NOS1AP: variants seen among roughly 807,000 people sequenced by gnomAD.
The protein encoded by NOS1AP is nitric oxide synthase 1 adaptor protein, also known as carboxyl-terminal PDZ ligand of neuronal nitric oxide synthase protein.
A neutral mutation model predicts 56.2 loss-of-function variants in NOS1AP; 21 were observed. That is an observed-to-expected ratio of 0.37 (90% CI 0.26 to 0.54). The LOEUF (loss-of-function observed/expected upper bound fraction) is 0.54, where lower values mean the gene tolerates loss of function less well. Among genes scored for constraint, NOS1AP ranks in the 20% least tolerant of loss-of-function variants. NOS1AP has a pLI of 0.84. For synonymous variants in NOS1AP, 270 were observed against 274.6 expected, an observed-to-expected ratio of 0.98 and a Z score of 0.17; for missense variants, 522 against 657.8, an observed-to-expected ratio of 0.79 and a Z score of 2.26.
intron 2 of NOS1AP, among the ~76,000 whole-genome samples, chr1:162,200,818 T>G (rs1450192368): frequency 6.6e-6 from 1 of 152,212 alleles, no homozygotes; most frequent in African/African-American, 2.4e-5. Flanking sequence ...TTAACAGAGA[T>G]GAGGTATCTA....
intron 2 of NOS1AP, among the ~76,000 whole-genome samples, chr1:162,209,426 G>A (rs1376231169): frequency 6.6e-6 from 1 of 152,164 alleles, no homozygotes; most frequent in Non-Finnish European, 1.5e-5. Flanking sequence ...ATTAGGAGAA[G>A]TGGTATTTTA....
intron 2 of NOS1AP, among the ~76,000 whole-genome samples, chr1:162,246,419 G>C (rs139807405): frequency 1.3e-5 from 2 of 152,298 alleles, no homozygotes; most frequent in Non-Finnish European, 2.9e-5. Context: ...AGTGAGGTAG[G>C]AGTTGGTCAG....
intron 2 of NOS1AP, among the ~76,000 whole-genome samples, chr1:162,234,866 G>A (rs76224842): frequency 6.6e-6 from 1 of 152,126 alleles, no homozygotes; most frequent in African/African-American, 2.4e-5. Flanking sequence ...ACATAGAAGA[G>A]GCTGTTGCTT....
chr1:162,176,871 G>A (rs1157215969), intron 2 of NOS1AP, among the ~76,000 whole-genome samples: 1 of 152,126 alleles, frequency 6.6e-6, no homozygotes, highest in Non-Finnish European at 1.5e-5. Context: ...CCTATTCAAG[G>A]ACATCTTATT....
chr1:162,138,778 C>A (rs1649108534), intron 1 of NOS1AP, among the ~76,000 whole-genome samples: 1 of 152,186 alleles, frequency 6.6e-6, no homozygotes, highest in African/African-American at 2.4e-5. Context: ...CCTGTGGCAC[C>A]CCTAGTGTGC....
intron 1 of NOS1AP, among the ~76,000 whole-genome samples, chr1:162,072,111 T>TAGAA (rs1558086528): frequency 1.3e-5 from 2 of 150,762 alleles, no homozygotes; most frequent in East Asian, 1.9e-4. Flanking sequence ...GATAGATAGA[T>TAGAA]AGAAAGTGTA....
intron 1 of NOS1AP, among the ~76,000 whole-genome samples, chr1:162,111,855 G>C (rs1647723453): frequency 6.6e-6 from 1 of 152,254 alleles, no homozygotes; most frequent in South Asian, 2.1e-4. Context: ...AGTGTTGGAA[G>C]AAGAGTTGGA....
intron 1 of NOS1AP, among the ~76,000 whole-genome samples, chr1:162,078,223 T>C (rs1691812550): frequency 6.6e-6 from 1 of 152,190 alleles, no homozygotes; most frequent in Non-Finnish European, 1.5e-5. Context: ...CACATCTTTA[T>C]GCGCAGCTTC....
chr1:162,075,911 CA>C lies in NOS1AP; in HGVS notation c.105+5632del, dbSNP rs1289231070. ...ACCTGGTATCTTGGGATTTGATGGA[CA>C]AATCTATTTCCACGTTAGCTGTACA... On this transcript the variant is annotated intron_variant, in intron 1 of 9. Transcript: ENST00000361897. Among the ~76,000 whole-genome samples the C allele has an allele frequency of 2.6e-5, 4 of 152,270 alleles. No individual in the cohort carries two copies. In the East Asian group the frequency reaches 7.7e-4, roughly 29 times the overall value.
At chr1:162,241,049 G>T (rs899923413) in intron 2 of NOS1AP, among the ~76,000 whole-genome samples, 2 of 152,202 alleles carry the variant, frequency 1.3e-5, no homozygotes, top group Non-Finnish European at 2.9e-5. Context: ...CTGGCTAGAG[G>T]CAGGGGAGCC....
intron 5 of NOS1AP, among the ~76,000 whole-genome samples, chr1:162,336,267 A>G (rs1453608897): frequency 6.6e-6 from 1 of 152,126 alleles, no homozygotes. Context: ...TCTTCATTTT[A>G]TAGGTGGGAA....
intron 8 of NOS1AP, chr1:162,363,878 G>T: frequency 1.0e-6 from 1 of 985,402 alleles, no homozygotes; most frequent in Non-Finnish European, 1.2e-6. Context: ...CTTTATGGAG[G>T]ACAGATTTAG....
chr1:162,263,972 G>A (rs955542581), intron 2 of NOS1AP, among the ~76,000 whole-genome samples: 1 of 152,146 alleles, frequency 6.6e-6, no homozygotes, highest in African/African-American at 2.4e-5. Flanking sequence ...TTCTAAACTA[G>A]GTCTTGAATC....
intron 6 of NOS1AP, among the ~76,000 whole-genome samples, chr1:162,350,478 C>T (rs1657456212): frequency 6.6e-6 from 1 of 152,224 alleles, no homozygotes; most frequent in African/African-American, 2.4e-5. Context: ...GCCACTGCCC[C>T]TGTGGCACTT....
chr1:162,264,324 C>T (rs1294053272), intron 2 of NOS1AP, among the ~76,000 whole-genome samples: 1 of 152,072 alleles, frequency 6.6e-6, no homozygotes, highest in Non-Finnish European at 1.5e-5. Flanking sequence ...TTTGTAGCCT[C>T]TGTAATCCCT....
intron 1 of NOS1AP, among the ~76,000 whole-genome samples, chr1:162,116,051 T>C (rs1282394472): frequency 6.6e-6 from 1 of 152,220 alleles, no homozygotes; most frequent in Non-Finnish European, 1.5e-5. Flanking sequence ...ATATTCAAGC[T>C]AGCATTGCTG....
chr1:162,257,766 C>T (rs1654081200), intron 2 of NOS1AP, among the ~76,000 whole-genome samples: 1 of 152,094 alleles, frequency 6.6e-6, no homozygotes, highest in Non-Finnish European at 1.5e-5. Context: ...CCATTGGCTA[C>T]ATGTGTAGTA....
chr1:162,334,037 T>G (rs1324830672), intron 5 of NOS1AP, among the ~76,000 whole-genome samples: 1 of 152,226 alleles, frequency 6.6e-6, no homozygotes. Context: ...TAAGCCTGGC[T>G]TTCTACAAGA....
At chr1:162,116,383 C>A (rs908737518) in intron 1 of NOS1AP, among the ~76,000 whole-genome samples, 1 of 152,198 alleles carries the variant, frequency 6.6e-6, no homozygotes, top group Non-Finnish European at 1.5e-5. Flanking sequence ...TAGAGTCTTG[C>A]ATGCTCCATC....
Sources: allele counts gnomAD v4.1 joint callset (sites outside exome capture counted in the v4.1 genomes callset), GRCh38; gene constraint gnomAD v4.1.1; transcripts MANE v1.5; gene names NCBI Gene and HGNC (gene_info 2026-07-23, HGNC 2026-07-21).